The following LRPAP1 variants were observed in gnomAD, a reference collection of about 807,000 sequenced individuals.
The protein encoded by LRPAP1 is alpha-2-macroglobulin receptor-associated protein.
Under a neutral mutation model 39.9 loss-of-function variants are expected in LRPAP1, and 41 were observed. That is an observed-to-expected ratio of 1.03 (90% confidence interval 0.80 to 1.33). The LOEUF (loss-of-function observed/expected upper bound fraction) is 1.33. LRPAP1 is among the 40% of genes most tolerant of loss of function. LRPAP1 has a pLI of 0.00. For missense variants in LRPAP1, 565 were observed against 482.3 expected (o/e 1.17, Z -1.61); for synonymous variants, 263 against 212.7 (o/e 1.24, Z -2.06).
Position 3,507,197 on chromosome 4 carries a change from C to T in LRPAP1, c.*5777G>A, listed in dbSNP as rs149579808. On this transcript the variant is annotated 3_prime_UTR_variant, in exon 8 of 8. Transcript: ENST00000650182. Reference sequence around the variant, plus strand: ...TATGATCGCACCACTGCACTCCAAGCCTGTGCGAGAAAGATCCTGACTCAA... The same window carrying T: ...TATGATCGCACCACTGCACTCCAAGTCTGTGCGAGAAAGATCCTGACTCAA... The T allele has an allele frequency of 6.6e-6, 1 of 152,326 alleles. No homozygotes were observed. The highest frequency in any genetic ancestry group is 1.9e-4 in the East Asian group (1 of 5,186). 9.4% of individuals were successfully genotyped at this position (152,326 alleles called of 1,614,324 possible).
intron 2 of LRPAP1, among the ~76,000 whole-genome samples, chr4:3,522,540 G>A (rs72501980): frequency 8.5e-5 from 7 of 81,902 alleles, no homozygotes; most frequent in Admixed American, 1.2e-4. Flanking sequence ...CATCCCACAC[G>A]CCCTGCCCGG....
chr4:3,524,030 A>T (rs974351727), intron 2 of LRPAP1, among the ~76,000 whole-genome samples: 6 of 152,132 alleles, frequency 3.9e-5, no homozygotes, highest in Non-Finnish European at 1.5e-5. Flanking sequence ...AGTTGGGTGG[A>T]GGCACAGCAG....
At chr4:3,516,007 A>T (rs1223879466) in intron 6 of LRPAP1, 109 bp downstream of exon 6, 2 of 1,103,120 alleles carry the variant, frequency 1.8e-6, no homozygotes, top group Non-Finnish European at 2.6e-6. Flanking sequence ...AACTGCGAGA[A>T]TCTTGAGAGA....
chr4:3,522,795 G>C (rs1347802065), intron 2 of LRPAP1, among the ~76,000 whole-genome samples: 1 of 152,152 alleles, frequency 6.6e-6, no homozygotes, highest in Admixed American at 6.5e-5. Context: ...GGTGAGGACA[G>C]GAGCGAACCC....
intron 2 of LRPAP1, among the ~76,000 whole-genome samples, chr4:3,521,006 A>G (rs775853205): frequency 1.6e-4 from 24 of 152,216 alleles, no homozygotes; most frequent in Non-Finnish European, 2.2e-4. Context: ...GTGAGAGCAG[A>G]GCCTGGGGGC....
At chr4:3,529,689 C>G (rs1227439227) in intron 1 of LRPAP1, among the ~76,000 whole-genome samples, 1 of 152,140 alleles carries the variant, frequency 6.6e-6, no homozygotes, top group Non-Finnish European at 1.5e-5. Flanking sequence ...CAGCACCCCC[C>G]TGGCCGGGTC....
rs141520465 is a variant in LRPAP1, at chr4:3,515,050, C to T, written c.835-122G>A. The T allele has an allele frequency of 3.5e-4, 384 of 1,105,548 alleles. 2 individuals carry two copies. The African/African-American group carries it at 5.2e-3, about 15-fold the overall frequency. 68.5% of individuals were successfully genotyped at this position (1,105,548 alleles called of 1,614,324 possible). On this transcript the variant is annotated intron_variant, in intron 6 of 7. Transcript: ENST00000650182. ...CATACCCGGGGCAGGACAGGCCTTG[C>T]GGTGACATGGGCAATGAGGGGGCGG... is the stretch of plus-strand genomic sequence containing the variant.
At chr4:3,529,645 A>C (rs73793994) in intron 1 of LRPAP1, among the ~76,000 whole-genome samples, 1,542 of 152,260 alleles carry the variant, frequency 0.01, 28 homozygotes, top group African/African-American at 0.035. Context: ...AGAGTCACAG[A>C]AAGTCAAGAT....
chr4:3,525,952 G>A (rs149813820), intron 1 of LRPAP1, among the ~76,000 whole-genome samples: 272 of 152,378 alleles, frequency 1.8e-3, no homozygotes, highest in African/African-American at 5.8e-3. Flanking sequence ...TGGCCCGGCC[G>A]CTAAGAGGCG....
chr4:3,525,003 T>C lies in LRPAP1; in HGVS notation c.253A>G (p.Ile85Val), dbSNP rs1163133602. The C allele has an allele frequency of 2.5e-6, 4 of 1,614,024 alleles. No individual in the cohort carries two copies. The highest frequency in any genetic ancestry group is 1.7e-6 in the Non-Finnish European group (2 of 1,180,042). ...RLAELHADLKIQERDELAWKK... is the reference protein window; with the variant it reads ...RLAELHADLKVQERDELAWKK... ...CAGGCGAGTTCGTCCCTCTCCTGTA[T>C]CTTCAGATCAGCGTGGAGCTCGGCC... Residue 85 changes from isoleucine to valine, a missense_variant, in exon 2 of 8, where the codon ATA becomes GTA. By Grantham distance (29) the Ile-to-Val change is conservative (BLOSUM62 3). Coordinates refer to ENST00000650182, the MANE Select transcript of LRPAP1 (RefSeq NM_002337.4).
At chr4:3,532,076 A>T in intron 1 of LRPAP1, 133 bp downstream of exon 1, 1 of 1,015,334 alleles carries the variant, frequency 9.8e-7, no homozygotes, top group Non-Finnish European at 1.4e-6. Context: ...GGCTGTGCCA[A>T]GGACAGGGCG....
Position 3,518,062 on chromosome 4 carries a change from G to A in LRPAP1, c.723C>T (p.Val241=). Residue 241 remains valine, a synonymous_variant, in exon 5 of 8, where the codon GTC becomes GTT. Coordinates refer to ENST00000650182, the MANE Select transcript of LRPAP1 (RefSeq NM_002337.4). ...CCTCAGTGCTGTAGCCCTGGTGGCT[G>A]ACCCTGCGCAGGCGGTCCAGGCCCT... ...INQGLDRLRR[V]SHQGYSTEAE... 1.2e-6 allele frequency: 2 copies of A among 1,611,632 alleles called. No individual in the cohort carries two copies. The highest frequency in any genetic ancestry group is 1.7e-6 in the Non-Finnish European group (2 of 1,179,642).
chr4:3,521,563 A>G (rs1251926943), intron 2 of LRPAP1, among the ~76,000 whole-genome samples: 1 of 151,642 alleles, frequency 6.6e-6, no homozygotes, highest in Non-Finnish European at 1.5e-5. Context: ...CATCGACACC[A>G]CCCTGGCCTC....
At chr4:3,526,416 C>T (rs775262215) in intron 1 of LRPAP1, among the ~76,000 whole-genome samples, 6 of 152,232 alleles carry the variant, frequency 3.9e-5, no homozygotes, top group Non-Finnish European at 7.3e-5. Context: ...AATCTTTTAT[C>T]TATATTTCAT....
At chr4:3,514,414 G>A (rs911116526) in intron 7 of LRPAP1, among the ~76,000 whole-genome samples, 3 of 145,854 alleles carry the variant, frequency 2.1e-5, no homozygotes, top group Admixed American at 6.8e-5. Context: ...AGGCTCGCCT[G>A]TCTCAAAGGC....
chr4:3,514,040 G>A (rs769822902), intron 7 of LRPAP1, among the ~76,000 whole-genome samples: 2 of 152,210 alleles, frequency 1.3e-5, no homozygotes, highest in Non-Finnish European at 2.9e-5. Context: ...CCCGCGTCTC[G>A]CGGGAGCGCC....
Position 3,509,856 on chromosome 4 carries a change from C to A in LRPAP1, c.*3118G>T, listed in dbSNP as rs560666561. ...TGTTGAGACGCCGACTGGAGTCACA[C>A]ACGGCAGTCAACGCGTGGACACTGG... On this transcript the variant is annotated 3_prime_UTR_variant, in exon 8 of 8. Transcript: ENST00000650182. 6.6e-6 allele frequency: 1 copy of A among 151,614 alleles called. No homozygotes were observed. The highest frequency in any genetic ancestry group is 6.6e-5 in the Admixed American group (1 of 15,262). The allele number at this position is 151,614 out of a possible 1,614,324, so 9.4% of individuals were successfully genotyped here. A position where few individuals can be genotyped will look rare whatever the true frequency, so the allele number is the denominator to read the frequency against.
In LRPAP1 at chr4:3,509,209, G is replaced by A. The variant is rs1201182112; in HGVS notation, c.*3765C>T. ...CCTGGAGTCATACATGGCAGTCAAC[G>A]CATGGACACCGGAGACTGTTGAGAC... On this transcript the variant is annotated 3_prime_UTR_variant, in exon 8 of 8. Transcript: ENST00000650182. 1.3e-5 allele frequency: 2 copies of A among 152,258 alleles called. No homozygotes were observed. The highest frequency in any genetic ancestry group is 2.4e-5 in the African/African-American group (1 of 41,460). 9.4% of individuals were successfully genotyped at this position (152,258 alleles called of 1,614,324 possible).
intron 2 of LRPAP1, among the ~76,000 whole-genome samples, chr4:3,523,626 C>G (rs561792822): frequency 6.6e-6 from 1 of 152,370 alleles, no homozygotes; most frequent in South Asian, 2.1e-4. Flanking sequence ...CTCTCTGAGC[C>G]TGTCAAATGG....
Sources: gnomAD v4.1 joint callset for allele counts (sites outside exome capture counted in the v4.1 genomes callset) on GRCh38, gnomAD v4.1.1 for gene constraint, MANE v1.5 for transcripts, NCBI Gene and HGNC (gene_info 2026-07-23, HGNC 2026-07-21) for gene names.